SYTL4: variants seen among roughly 807,000 people sequenced by gnomAD.
SYTL4 encodes the protein synaptotagmin like 4.
A neutral mutation model predicts 52.7 loss-of-function variants in SYTL4; 16 were observed. That is an observed-to-expected ratio of 0.30 (90% CI 0.21 to 0.46). The LOEUF is 0.46. Ranked by LOEUF, SYTL4 falls within the 20% of genes least tolerant of loss-of-function variation. The pLI, the probability that SYTL4 is intolerant of heterozygous loss-of-function variation, is 1.00. For synonymous variants in SYTL4, 160 were observed against 186.6 expected, an observed-to-expected ratio of 0.86 and a Z score of 1.16; for missense variants, 423 against 519.9, an observed-to-expected ratio of 0.81 and a Z score of 1.81.
chrX:100,732,092 C>T lies in SYTL4; in HGVS notation c.-416G>A, dbSNP rs1253378416. On this transcript the variant is annotated 5_prime_UTR_variant, in exon 1 of 20. Transcript: ENST00000372989. The stretch of plus-strand genomic sequence containing the variant: ...CTCCGGCTCCGGGAAGATCGCAACC[C>T]AGCTCCGGCAGCCGGCCCTTCTCAC... 1.8e-5 allele frequency: 2 copies of T among 112,163 alleles called. No homozygotes were observed. The highest frequency in any genetic ancestry group is 3.8e-5 in the Non-Finnish European group (2 of 53,136). 9.2% of individuals were successfully genotyped at this position (112,163 alleles called of 1,213,427 possible). A position where few individuals can be genotyped will look rare whatever the true frequency, so the allele number is the denominator to read the frequency against.
chrX:100,690,568 C>G lies in SYTL4; in HGVS notation c.712G>C (p.Glu238Gln), dbSNP rs2083576059. 8.3e-7 allele frequency: 1 copy of G among 1,202,645 alleles called. No homozygotes were observed. Among genetic ancestry groups the G allele is most frequent in the African/African-American group, 1.8e-5 (1 of 56,686 alleles). The part of the protein sequence containing the change: ...KKMSAPKSQV[E>Q]KETQPGGQNV... ...CTCAATAACCTGAAGCTTACCTTTT[C>G]TACTTGAGATTTGGGAGCAGACATC... Residue 238 changes from glutamate (E) to glutamine (Q), a missense_variant, in exon 10 of 20, where the codon GAA (glutamate) becomes CAA (glutamine). By Grantham distance (29) the Glu-to-Gln change is conservative. Transcript: ENST00000372989.
At chrX:100,726,201 G>A (rs908544152) in intron 2 of SYTL4, among the ~76,000 whole-genome samples, 2 of 109,493 alleles carry the variant, frequency 1.8e-5, no homozygotes, top group Non-Finnish European at 3.8e-5. Flanking sequence ...ACTTGAGGCA[G>A]AGACAAATTC....
chrX:100,714,362 C>T (rs1184322619), intron 2 of SYTL4, among the ~76,000 whole-genome samples: 2 of 109,113 alleles, frequency 1.8e-5, no homozygotes, highest in Admixed American at 9.7e-5. Flanking sequence ...TGGGTTCACG[C>T]CATTCTCCTG....
intron 16 of SYTL4, chrX:100,685,209 T>G (rs1053521778): frequency 3.6e-5 from 4 of 111,869 alleles, no homozygotes; most frequent in African/African-American, 1.3e-4. Context: ...TACCTCAGTC[T>G]CCATTCCTAG....
chrX:100,688,404 T>G lies in SYTL4; in HGVS notation c.952A>C (p.Lys318Gln), dbSNP rs768792635. The G allele has an allele frequency of 8.3e-7, 1 of 1,210,781 alleles. No individual in the cohort carries two copies. Reference protein sequence around the residue: ...EEEEDIDHLVKLHRQKLARSS... With the variant: ...EEEEDIDHLVQLHRQKLARSS... ...CTGGCTAGCTTCTGGCGATGTAACT[T>G]CACTAGGTGGTCAATGTCTTCTTCT... is the stretch of plus-strand genomic sequence containing the variant. Residue 318 changes from lysine (K) to glutamine (Q), a missense_variant, in exon 13 of 20, where the codon AAG (lysine) becomes CAG (glutamine). Physicochemically the swap from Lys to Gln is moderately conservative, Grantham distance 53 (BLOSUM62 1). Transcript: ENST00000372989.
intron 8 of SYTL4, among the ~76,000 whole-genome samples, chrX:100,696,388 A>G (rs1268485265): frequency 8.9e-6 from 1 of 112,308 alleles, no homozygotes; most frequent in African/African-American, 3.2e-5. Flanking sequence ...GTTGTTTTAC[A>G]TCCTCACCAA....
In SYTL4 at chrX:100,702,054, T is replaced by C; in HGVS notation, c.-17A>G. On this transcript the variant is annotated 5_prime_UTR_variant, in exon 5 of 20. Transcript: ENST00000372989. ...CTCCGACATGATTTACTCAACTTTT[T>C]CTTCTACTCTTCTTTCTTCAAAACA... The C allele has an allele frequency of 9.0e-7, 1 of 1,109,760 alleles. No homozygotes were observed. Among genetic ancestry groups the C allele is most frequent in the Non-Finnish European group, 1.2e-6 (1 of 810,490 alleles). 91.5% of individuals were successfully genotyped at this position (1,109,760 alleles called of 1,213,427 possible).
At chrX:100,683,204 T>C (rs890139497) in intron 16 of SYTL4, among the ~76,000 whole-genome samples, 9 of 97,982 alleles carry the variant, frequency 9.2e-5, no homozygotes, top group Non-Finnish European at 6.0e-5. Context: ...TAGAATGCAA[T>C]GGCGCAATCT....
In SYTL4 at chrX:100,688,641, C is replaced by T. The variant is rs192270420; in HGVS notation, c.913-198G>A. ...GGGCAATGGCGCAATCTCAGCTCAC[C>T]GCAACCTCCGCCTCCTGGGTTCAAG... On this transcript the variant is annotated intron_variant, in intron 12 of 19. Coordinates refer to ENST00000372989, the MANE Select transcript of SYTL4 (RefSeq NM_001370165.1). 3.4e-3 allele frequency among the ~76,000 whole-genome samples: 364 copies of T among 106,709 alleles called. 3 individuals are homozygous for T. Among genetic ancestry groups the T allele is most frequent in the African/African-American group, 0.012 (343 of 29,086 alleles). 92.7% of individuals were successfully genotyped at this position (106,709 alleles called of 115,157 possible).
At chrX:100,716,450 CAAAA>C (rs200368843) in intron 2 of SYTL4, among the ~76,000 whole-genome samples, 5 of 25,771 alleles carry the variant, frequency 1.9e-4, no homozygotes, top group Non-Finnish European at 2.8e-4. Flanking sequence ...AACTCCATCT[CAAAA>C]AAAAAAAAAA....
chrX:100,725,859 C>T (rs5967180), intron 2 of SYTL4, among the ~76,000 whole-genome samples: 2,374 of 111,278 alleles, frequency 0.021, 70 homozygotes, highest in African/African-American at 0.074. Flanking sequence ...AATCAAATCA[C>T]GCTTTCTGAT....
chrX:100,703,030 T>C lies in SYTL4; in HGVS notation c.-71+63A>G, dbSNP rs2083887921. On this transcript the variant is annotated intron_variant, in intron 4 of 19. Transcript: ENST00000372989. ...TAGGAAAGATAGTTTGGGACCAGAT[T>C]ACATAACTCTTAAAAACTTTTTTAA... The C allele has an allele frequency of 2.7e-5, 3 of 111,328 alleles. No individual in the cohort carries two copies. In the Admixed American group the frequency reaches 2.9e-4, roughly 11 times the overall value. 9.2% of individuals were successfully genotyped at this position (111,328 alleles called of 1,213,427 possible). A position where few individuals can be genotyped will look rare whatever the true frequency, so the allele number is the denominator to read the frequency against.
intron 12 of SYTL4, among the ~76,000 whole-genome samples, chrX:100,689,508 G>A (rs1486664359): frequency 6.6e-5 from 7 of 105,495 alleles, no homozygotes; most frequent in Admixed American, 4.1e-4. Context: ...GCATGGTGGC[G>A]CACACCTGTA....
At chrX:100,686,215 C>A in intron 15 of SYTL4, 64 bp from the exon 16 acceptor site, 2 of 1,071,240 alleles carry the variant, frequency 1.9e-6, no homozygotes, top group Non-Finnish European at 2.5e-6. Flanking sequence ...CAAGATTATT[C>A]CAAAACCTGA....
chrX:100,728,750 TAGAG>T (rs2084574593), intron 2 of SYTL4, among the ~76,000 whole-genome samples: 1 of 111,518 alleles, frequency 9.0e-6, no homozygotes, highest in African/African-American at 3.3e-5. Context: ...TTTTAAAAAA[TAGAG>T]AGGCCAGGAG....
intron 2 of SYTL4, among the ~76,000 whole-genome samples, chrX:100,722,576 T>C (rs186018662): frequency 2.3e-3 from 255 of 111,478 alleles, no homozygotes; most frequent in African/African-American, 8.0e-3. Context: ...CCCTCCCATC[T>C]GGCATAAGGA....
At chrX:100,724,084 C>T (rs1191657742) in intron 2 of SYTL4, among the ~76,000 whole-genome samples, 237 of 101,241 alleles carry the variant, frequency 2.3e-3, no homozygotes, top group African/African-American at 8.0e-3. Context: ...GCCCGGCCGC[C>T]CCTGCTGGGA....
intron 2 of SYTL4, among the ~76,000 whole-genome samples, chrX:100,725,541 G>T (rs1028621586): frequency 1.8e-5 from 2 of 112,153 alleles, no homozygotes; most frequent in Non-Finnish European, 3.8e-5. Flanking sequence ...AATTAGTAAG[G>T]CCTGTTAAAA....
intron 19 of SYTL4, among the ~76,000 whole-genome samples, chrX:100,676,819 T>C (rs1318090462): frequency 1.8e-5 from 2 of 111,708 alleles, no homozygotes; most frequent in South Asian, 7.6e-4. Context: ...ACCTCTCCTC[T>C]AGCTGCAGAC....
Sources: allele counts gnomAD v4.1 joint callset (sites outside exome capture counted in the v4.1 genomes callset), GRCh38; gene constraint gnomAD v4.1.1; transcripts MANE v1.5; gene names NCBI Gene and HGNC (gene_info 2026-07-23, HGNC 2026-07-21).